The following NSD1 variants were observed in gnomAD, a reference collection of about 807,000 sequenced individuals.
NSD1 encodes nuclear receptor binding SET domain protein 1.
In NSD1, 26 loss-of-function variants were observed where a neutral mutation model predicts 242.7. The observed-to-expected ratio is 0.11, with a 90% CI of 0.08 to 0.15. NSD1 has a LOEUF of 0.15. Among genes scored for constraint, NSD1 ranks in the 10% least tolerant of loss-of-function variants. NSD1 has a pLI of 1.00. For missense variants in NSD1, 2,495 were observed against 3,272.8 expected (o/e 0.76, Z 5.80); for synonymous variants, 1,106 against 1,178.1 (o/e 0.94, Z 1.25).
chr5:177,195,918 G>C (rs758358920), intron 3 of NSD1, among the ~76,000 whole-genome samples: 9 of 152,136 alleles, frequency 5.9e-5, no homozygotes, highest in Non-Finnish European at 1.3e-4. Context: ...TGAGAAATTA[G>C]AATCTAGTAT....
At chr5:177,177,475 A>G (rs182224738) in intron 2 of NSD1, among the ~76,000 whole-genome samples, 1 of 152,044 alleles carries the variant, frequency 6.6e-6, no homozygotes, top group Admixed American at 6.6e-5. Context: ...GTGCCACTCC[A>G]CTCCAGTCTG....
chr5:177,265,488 GGAGA>G (rs761182914), intron 14 of NSD1: 17 of 642,966 alleles, frequency 2.6e-5, no homozygotes, highest in Non-Finnish European at 3.8e-5. Context: ...GGGGAGGGAG[GGAGA>G]GAGAGAGGAA....
At chr5:177,257,289 G>C in intron 13 of NSD1, 138 bp downstream of exon 13, 1 of 749,226 alleles carries the variant, frequency 1.3e-6, no homozygotes, top group Non-Finnish European at 2.2e-6. Context: ...GGAGTGCAGT[G>C]GCGTGATCTT....
intron 2 of NSD1, among the ~76,000 whole-genome samples, chr5:177,163,270 G>A (rs759896447): frequency 6.6e-6 from 1 of 151,700 alleles, no homozygotes; most frequent in Non-Finnish European, 1.5e-5. Context: ...AGCCTCCCGA[G>A]TAGCTGGGAC....
intron 2 of NSD1, chr5:177,136,790 T>C (rs1756374794): frequency 1.7e-6 from 1 of 586,378 alleles, no homozygotes; most frequent in Non-Finnish European, 3.1e-6. Flanking sequence ...TCTTGAAGTT[T>C]TTCTAGTTTT....
At position 177,135,632 on chromosome 5, in the gene NSD1, G is replaced by T; in HGVS notation, c.529G>T (p.Asp177Tyr). 6.2e-7 allele frequency: 1 copy of T among 1,614,204 alleles called. No homozygotes were observed. Among genetic ancestry groups the T allele is most frequent in the South Asian group, 1.1e-5 (1 of 91,084 alleles). Residue 177 changes from aspartate to tyrosine, a missense_variant, in exon 2 of 23, where the codon GAT becomes TAT. By Grantham distance (160) the Asp-to-Tyr change is radical. Coordinates refer to ENST00000439151, the MANE Select transcript of NSD1 (RefSeq NM_022455.5). The part of the protein sequence containing the change: ...EMDPEQPVTE[D>Y]ESIEEIFEET... ...GGACCCAGAACAGCCAGTCACAGAG[G>T]ATGAGAGTATAGAGGAGATCTTTGA...
chr5:177,288,680 A>G (rs142823660), intron 20 of NSD1, 139 bp from the exon 21 acceptor site: 14 of 667,868 alleles, frequency 2.1e-5, no homozygotes, highest in Non-Finnish European at 2.7e-5. Context: ...TAAGATTAGA[A>G]TTAATTAAAA....
At chr5:177,199,622 A>G (rs1203643761) in intron 3 of NSD1, among the ~76,000 whole-genome samples, 4 of 124,570 alleles carry the variant, frequency 3.2e-5, no homozygotes, top group African/African-American at 1.6e-4. Context: ...TTTTTTTGAG[A>G]TGGAGTCTCT....
intron 2 of NSD1, among the ~76,000 whole-genome samples, chr5:177,140,075 C>G (rs1247951571): frequency 1.3e-5 from 2 of 152,098 alleles, no homozygotes; most frequent in African/African-American, 4.8e-5. Flanking sequence ...TCTAAGTGGA[C>G]TGTTTGCCTC....
intron 2 of NSD1, among the ~76,000 whole-genome samples, chr5:177,168,579 C>T (rs1447005727): frequency 6.6e-6 from 1 of 151,778 alleles, no homozygotes; most frequent in Non-Finnish European, 1.5e-5. Flanking sequence ...TCCTGCCCCA[C>T]CCTCCCAAGT....
intron 2 of NSD1, among the ~76,000 whole-genome samples, chr5:177,191,005 C>G (rs1761644298): frequency 1.6e-5 from 2 of 126,108 alleles, no homozygotes; most frequent in South Asian, 5.4e-4. Flanking sequence ...AAGAGTCTCT[C>G]TGTCGCCGAG....
intron 2 of NSD1, among the ~76,000 whole-genome samples, chr5:177,190,615 A>T (rs1009986929): frequency 2.0e-5 from 3 of 151,742 alleles, no homozygotes; most frequent in Non-Finnish European, 2.9e-5. Flanking sequence ...AAAGAAAGTA[A>T]GATGTAGTTC....
chr5:177,195,041 C>G (rs1762000186), intron 3 of NSD1, among the ~76,000 whole-genome samples: 1 of 152,066 alleles, frequency 6.6e-6, no homozygotes, highest in Non-Finnish European at 1.5e-5. Context: ...CTCCTACAAT[C>G]CCAGCTACTG....
At chr5:177,259,883 T>C in intron 13 of NSD1, 106 bp from the exon 14 acceptor site, 1 of 1,249,036 alleles carries the variant, frequency 8.0e-7, no homozygotes, top group South Asian at 1.3e-5. Context: ...TTCCTTCTAT[T>C]TGTGACATTT....
intron 4 of NSD1, among the ~76,000 whole-genome samples, chr5:177,205,835 T>C (rs969885865): frequency 3.9e-5 from 6 of 152,060 alleles, no homozygotes; most frequent in Non-Finnish European, 7.4e-5. Flanking sequence ...ATTATTATTA[T>C]TCTTTGATAC....
chr5:177,216,292 C>T (rs1054772840), intron 5 of NSD1, among the ~76,000 whole-genome samples: 6 of 152,132 alleles, frequency 3.9e-5, no homozygotes, highest in Non-Finnish European at 7.4e-5. Flanking sequence ...CCTGCCTTTT[C>T]ACTCTGTTGA....
intron 21 of NSD1, among the ~76,000 whole-genome samples, chr5:177,291,426 G>A (rs1037728915): frequency 6.6e-5 from 10 of 152,284 alleles, no homozygotes; most frequent in Admixed American, 2.0e-4. Flanking sequence ...AGGCCAAAGC[G>A]GGTGGGTCAC....
chr5:177,190,933 C>G (rs1370336080), intron 2 of NSD1, among the ~76,000 whole-genome samples: 1 of 148,528 alleles, frequency 6.7e-6, no homozygotes, highest in African/African-American at 2.5e-5. Flanking sequence ...TCCCAAAGTG[C>G]TGGGATTACA....
Position 177,238,619 on chromosome 5 carries a change from C to T in NSD1, c.4192+112C>T. 1 of 1,210,980 alleles carries T rather than the reference C, an allele frequency of 8.3e-7. No homozygotes were observed. The highest frequency in any genetic ancestry group is 1.2e-6 in the Non-Finnish European group (1 of 832,448). The allele number at this position is 1,210,980 out of a possible 1,614,324, so 75.0% of individuals were successfully genotyped here. ...TTGTATCTATATACAATAAACTACC[C>T]CCTTTTGTCCTGGGAAATACTTAAA... On this transcript the variant is annotated intron_variant, in intron 7 of 22. Transcript: ENST00000439151. The surrounding 1 kb of genome is among the most constrained non-coding windows in gnomAD (Gnocchi z 4.6).
Sources: allele counts gnomAD v4.1 joint callset (sites outside exome capture counted in the v4.1 genomes callset), GRCh38; gene constraint gnomAD v4.1.1; non-coding constraint Gnocchi (gnomAD v3.1); transcripts MANE v1.5; gene names NCBI Gene and HGNC (gene_info 2026-07-23, HGNC 2026-07-21).